The following CTNNA2 variants were observed in gnomAD, a reference collection of about 807,000 sequenced individuals.
CTNNA2 encodes catenin alpha 2.
Under a neutral mutation model 101.0 loss-of-function variants are expected in CTNNA2, and 42 were observed. That is an observed-to-expected ratio of 0.42 (90% CI 0.32 to 0.54). The LOEUF (loss-of-function observed/expected upper bound fraction) is 0.54. Ranked by LOEUF, CTNNA2 falls within the 20% of genes least tolerant of loss-of-function variation. CTNNA2 has a pLI of 0.14. For synonymous variants in CTNNA2, 450 were observed against 456.4 expected (o/e 0.99, Z 0.18); for missense variants, 871 against 1,223.1 (o/e 0.71, Z 4.29).
chr2:79,998,981 T>A (rs764862452), intron 7 of CTNNA2, among the ~76,000 whole-genome samples: 20 of 152,138 alleles, frequency 1.3e-4, no homozygotes, highest in Admixed American at 1.2e-3. Context: ...ACTAGGACAT[T>A]AGGGATTGAA....
At chr2:79,422,595 C>A (rs1444857741) in intron 4 of CTNNA2, among the ~76,000 whole-genome samples, 1 of 152,068 alleles carries the variant, frequency 6.6e-6, no homozygotes, top group African/African-American at 2.4e-5. Flanking sequence ...AGAGTAAAGG[C>A]TCAAATAAAA....
chr2:80,270,136 C>G (rs930561081), intron 7 of CTNNA2, among the ~76,000 whole-genome samples: 5 of 152,180 alleles, frequency 3.3e-5, no homozygotes, highest in African/African-American at 1.2e-4. Flanking sequence ...GATGTTGTCC[C>G]TTAGCCACAG....
At chr2:80,259,463 G>T (rs1282299943) in intron 7 of CTNNA2, among the ~76,000 whole-genome samples, 1 of 152,154 alleles carries the variant, frequency 6.6e-6, no homozygotes, top group Non-Finnish European at 1.5e-5. Context: ...AGGAGCCCCT[G>T]AGCTGCCTCC....
At chr2:80,266,016 C>T (rs548561640) in intron 7 of CTNNA2, among the ~76,000 whole-genome samples, 8 of 152,290 alleles carry the variant, frequency 5.3e-5, no homozygotes. Flanking sequence ...ATATTGGACT[C>T]TGTGGTCTTA....
At chr2:80,598,957 A>G (rs946015837) in intron 15 of CTNNA2, among the ~76,000 whole-genome samples, 15 of 152,190 alleles carry the variant, frequency 9.9e-5, no homozygotes, top group African/African-American at 3.6e-4. Context: ...ACATGAAGCT[A>G]TACTTACACA....
In CTNNA2 at chr2:80,204,424, A is replaced by G. The variant is rs1030940887; in HGVS notation, c.1057-188787A>G. ...TTTCTTCTGCCAGATACCCTAAATCATCCCTCTCAAGTTCAAAGTTTCACA... is the reference window on the plus strand; with the variant it reads ...TTTCTTCTGCCAGATACCCTAAATCGTCCCTCTCAAGTTCAAAGTTTCACA... On this transcript the variant is annotated intron_variant, in intron 7 of 18. Coordinates refer to ENST00000402739, the MANE Select transcript of CTNNA2 (RefSeq NM_001282597.3). Among the ~76,000 whole-genome samples the G allele has an allele frequency of 3.3e-5, 5 of 152,304 alleles. No homozygotes were observed. In the South Asian group the frequency reaches 1.0e-3, roughly 32 times the overall value.
intron 3 of CTNNA2, among the ~76,000 whole-genome samples, chr2:79,780,323 C>A (rs4852522): frequency 6.6e-6 from 1 of 151,998 alleles, no homozygotes; most frequent in African/African-American, 2.4e-5. Context: ...TCAGTCATAT[C>A]TGGCTCAGAA....
At chr2:80,094,665 A>G (rs957123077) in intron 7 of CTNNA2, among the ~76,000 whole-genome samples, 3 of 151,994 alleles carry the variant, frequency 2.0e-5, no homozygotes, top group Admixed American at 6.6e-5. Flanking sequence ...ATTTGTTTGT[A>G]TCCTCTTTTA....
At chr2:79,773,689 G>A (rs1056273827) in intron 3 of CTNNA2, among the ~76,000 whole-genome samples, 9 of 152,028 alleles carry the variant, frequency 5.9e-5, no homozygotes, top group Non-Finnish European at 1.0e-4. Context: ...GTATCTTATG[G>A]AGAATGGGGG....
intron 7 of CTNNA2, among the ~76,000 whole-genome samples, chr2:80,181,301 G>A (rs993715412): frequency 1.3e-5 from 2 of 152,124 alleles, no homozygotes; most frequent in Non-Finnish European, 2.9e-5. Flanking sequence ...GCATGGGTGG[G>A]GAAGGAGATG....
At chr2:79,674,433 A>G (rs1441255636) in intron 2 of CTNNA2, among the ~76,000 whole-genome samples, 1 of 152,142 alleles carries the variant, frequency 6.6e-6, no homozygotes, top group Non-Finnish European at 1.5e-5. Flanking sequence ...TTTGTTTTCT[A>G]TTGTCTAATC....
intron 9 of CTNNA2, among the ~76,000 whole-genome samples, chr2:80,534,496 C>A (rs1374158453): frequency 6.6e-6 from 1 of 152,034 alleles, no homozygotes; most frequent in Non-Finnish European, 1.5e-5. Context: ...TTAGTAAATT[C>A]AAAAAATTGG....
At chr2:80,610,826 T>G (rs1392155535) in intron 17 of CTNNA2, among the ~76,000 whole-genome samples, 2 of 151,650 alleles carry the variant, frequency 1.3e-5, no homozygotes, top group African/African-American at 4.8e-5. Context: ...GTGTCTGCTT[T>G]TGGCTTGAGA....
intron 9 of CTNNA2, among the ~76,000 whole-genome samples, chr2:80,472,121 A>G (rs1225999013): frequency 6.7e-6 from 1 of 149,916 alleles, no homozygotes; most frequent in Non-Finnish European, 1.5e-5. Flanking sequence ...CTCCATCTCA[A>G]AAAAAAAAAA....
chr2:80,056,368 A>G (rs915858912), intron 7 of CTNNA2, among the ~76,000 whole-genome samples: 1 of 152,190 alleles, frequency 6.6e-6, no homozygotes, highest in African/African-American at 2.4e-5. Context: ...GCTAGAAAAG[A>G]GTCTTTATTC....
intron 18 of CTNNA2, among the ~76,000 whole-genome samples, chr2:80,624,657 TTTTA>T (rs149061647): frequency 0.016 from 2,461 of 152,082 alleles, 71 homozygotes; most frequent in African/African-American, 0.056. Flanking sequence ...TATTTATTTT[TTTTA>T]TTTGAGAATA....
chr2:79,722,388 G>T (rs13012953), intron 2 of CTNNA2, among the ~76,000 whole-genome samples: 1 of 152,046 alleles, frequency 6.6e-6, no homozygotes, highest in African/African-American at 2.4e-5. Flanking sequence ...TCTAAGGAAG[G>T]GATGAACTTG....
At chr2:80,486,256 C>A (rs1247704615) in intron 9 of CTNNA2, among the ~76,000 whole-genome samples, 1 of 152,070 alleles carries the variant, frequency 6.6e-6, no homozygotes, top group Non-Finnish European at 1.5e-5. Context: ...AATAAAATAC[C>A]ATCCTTGTCC....
At chr2:80,159,184 TTTTG>T (rs1481321167) in intron 7 of CTNNA2, among the ~76,000 whole-genome samples, 5 of 152,218 alleles carry the variant, frequency 3.3e-5, no homozygotes, top group African/African-American at 1.2e-4. Context: ...TAGTTTTTAG[TTTTG>T]TTTGTTTATT....
Sources: gnomAD v4.1 joint callset for allele counts (sites outside exome capture counted in the v4.1 genomes callset) on GRCh38, gnomAD v4.1.1 for gene constraint, MANE v1.5 for transcripts, NCBI Gene and HGNC (gene_info 2026-07-23, HGNC 2026-07-21) for gene names.